The following ERC2 variants were observed in gnomAD, a reference collection of about 807,000 sequenced individuals.
ERC2 encodes the protein ERC protein 2.
Under a neutral mutation model 114.8 loss-of-function variants are expected in ERC2, and 42 were observed. That is an observed-to-expected ratio of 0.37 (90% CI 0.29 to 0.47). The LOEUF is 0.47. Ranked by LOEUF, ERC2 falls within the 20% of genes least tolerant of loss-of-function variation. ERC2 has a pLI of 0.99. For synonymous variants in ERC2, 454 were observed against 425.5 expected, an observed-to-expected ratio of 1.07 and a Z score of -0.82; for missense variants, 939 against 1,150.7, an observed-to-expected ratio of 0.82 and a Z score of 2.66.
chr3:55,961,617 T>C (rs1010427569), intron 12 of ERC2, among the ~76,000 whole-genome samples: 1 of 152,120 alleles, frequency 6.6e-6, no homozygotes, highest in Admixed American at 6.5e-5. Context: ...TGGTGACAAT[T>C]TAATTTAATT....
intron 2 of ERC2, among the ~76,000 whole-genome samples, chr3:56,311,090 T>C (rs1224587818): frequency 1.3e-5 from 2 of 151,482 alleles, no homozygotes; most frequent in Non-Finnish European, 2.9e-5. Context: ...CATTCACTCA[T>C]TGATTTAACC....
At chr3:56,312,000 G>C (rs1453711232) in intron 2 of ERC2, among the ~76,000 whole-genome samples, 1 of 152,138 alleles carries the variant, frequency 6.6e-6, no homozygotes, top group African/African-American at 2.4e-5. Context: ...AGAACTATTT[G>C]CATAGCATTT....
At chr3:55,526,524 C>T (rs945369421) in intron 17 of ERC2, among the ~76,000 whole-genome samples, 1 of 152,164 alleles carries the variant, frequency 6.6e-6, no homozygotes, top group Non-Finnish European at 1.5e-5. Flanking sequence ...CGCGTCGTGG[C>T]TCTCCCAAGG....
At chr3:56,290,377 C>G (rs896800293) in intron 3 of ERC2, among the ~76,000 whole-genome samples, 1 of 152,152 alleles carries the variant, frequency 6.6e-6, no homozygotes. Flanking sequence ...ATGTACTGAT[C>G]AGGTAAGAAA....
chr3:56,070,392 C>T (rs548069829), intron 7 of ERC2, among the ~76,000 whole-genome samples: 5 of 151,940 alleles, frequency 3.3e-5, no homozygotes, highest in South Asian at 4.2e-4. Flanking sequence ...GGGTAGCAGC[C>T]GTGGTCAGGG....
chr3:55,729,837 C>CAAAAAAAAAAAAA lies in ERC2; in HGVS notation c.2712+4921_2712+4933dup, dbSNP rs71096498. 9.9e-3 allele frequency among the ~76,000 whole-genome samples: 611 copies of CAAAAAAAAAAAAA among 61,616 alleles called. 188 individuals carry two copies. Among genetic ancestry groups the CAAAAAAAAAAAAA allele is most frequent in the Middle Eastern group, 0.034 (2 of 58 alleles). The allele number at this position is 61,616 out of a possible 152,430, so 40.4% of individuals were successfully genotyped here. ...AGGGTAATGCAGTGAGACTCTATCG[C>CAAAAAAAAAAAAA]AAAAAAAAAAAAAAAAAAAAAAAAA... On this transcript the variant is annotated intron_variant, in intron 15 of 17. Transcript: ENST00000288221.
intron 2 of ERC2, among the ~76,000 whole-genome samples, chr3:56,310,978 A>G (rs890378835): frequency 6.6e-6 from 1 of 152,026 alleles, no homozygotes; most frequent in Non-Finnish European, 1.5e-5. Context: ...GCTGTAGGAT[A>G]GTCCTGAGAA....
At chr3:56,317,120 G>A (rs2056901530) in intron 2 of ERC2, among the ~76,000 whole-genome samples, 1 of 152,208 alleles carries the variant, frequency 6.6e-6, no homozygotes, top group African/African-American at 2.4e-5. Flanking sequence ...AAGGATGGGA[G>A]CAAAAGGGAA....
At chr3:56,142,984 T>C (rs1054049021) in intron 5 of ERC2, among the ~76,000 whole-genome samples, 4 of 152,232 alleles carry the variant, frequency 2.6e-5, no homozygotes, top group African/African-American at 9.6e-5. Flanking sequence ...TTTCCGATCA[T>C]CTTGCACAGC....
At chr3:55,977,374 C>A (rs1328285478) in intron 12 of ERC2, among the ~76,000 whole-genome samples, 1 of 83,374 alleles carries the variant, frequency 1.2e-5, no homozygotes, top group African/African-American at 5.1e-5. Flanking sequence ...TGACAAATGT[C>A]AGATCAAAGA....
rs565601914 is a variant in ERC2 at position 56,116,216 on chromosome 3, A to C, written c.1473+23293T>G. 7.2e-5 allele frequency among the ~76,000 whole-genome samples: 11 copies of C among 152,324 alleles called. No individual in the cohort carries two copies. In the East Asian group the frequency reaches 2.1e-3, roughly 29 times the overall value. On this transcript the variant is annotated intron_variant, in intron 6 of 17. Coordinates refer to ENST00000288221, the MANE Select transcript of ERC2 (RefSeq NM_015576.3). Reference sequence around the variant, plus strand: ...TCTGAATAAAAAGAAAATCTTTTTTAAGACAATAAGAAATCCATATTTTAC... The same window carrying C: ...TCTGAATAAAAAGAAAATCTTTTTTCAGACAATAAGAAATCCATATTTTAC...
intron 3 of ERC2, among the ~76,000 whole-genome samples, chr3:56,251,530 TCAAGG>T (rs1286172278): frequency 6.6e-6 from 1 of 152,164 alleles, no homozygotes; most frequent in Non-Finnish European, 1.5e-5. Flanking sequence ...TAAATCTCAT[TCAAGG>T]CTGCCATCTA....
chr3:55,575,918 C>T (rs766304563), intron 17 of ERC2, among the ~76,000 whole-genome samples: 1 of 152,212 alleles, frequency 6.6e-6, no homozygotes, highest in Non-Finnish European at 1.5e-5. Context: ...TTCCTATCCC[C>T]ACTTACAAAG....
At chr3:56,304,745 T>C (rs1381186712) in intron 2 of ERC2, among the ~76,000 whole-genome samples, 3 of 152,040 alleles carry the variant, frequency 2.0e-5, no homozygotes, top group Admixed American at 6.6e-5. Context: ...GTTAACAGAG[T>C]AAAGATGAAA....
chr3:55,972,870 C>T (rs1178034168), intron 12 of ERC2, among the ~76,000 whole-genome samples: 1 of 152,098 alleles, frequency 6.6e-6, no homozygotes, highest in Non-Finnish European at 1.5e-5. Flanking sequence ...GCCATTTAGG[C>T]AATGGGAAAC....
intron 13 of ERC2, among the ~76,000 whole-genome samples, chr3:55,934,189 A>T (rs943675384): frequency 1.3e-4 from 20 of 152,224 alleles, no homozygotes; most frequent in African/African-American, 4.3e-4. Flanking sequence ...TGATGCTGGG[A>T]AAAAGTATAC....
At chr3:56,384,411 A>G (rs1321829744) in intron 2 of ERC2, among the ~76,000 whole-genome samples, 1 of 152,122 alleles carries the variant, frequency 6.6e-6, no homozygotes, top group Non-Finnish European at 1.5e-5. Flanking sequence ...ATAAAGTAGT[A>G]TCTTACTATG....
intron 6 of ERC2, among the ~76,000 whole-genome samples, chr3:56,096,570 A>T (rs933829924): frequency 2.0e-5 from 3 of 152,244 alleles, no homozygotes; most frequent in African/African-American, 7.2e-5. Flanking sequence ...TGACATATAT[A>T]GATAGATATT....
intron 2 of ERC2, among the ~76,000 whole-genome samples, chr3:56,428,032 A>G (rs1308781145): frequency 6.6e-6 from 1 of 152,168 alleles, no homozygotes; most frequent in Non-Finnish European, 1.5e-5. Flanking sequence ...TGAAGGATCC[A>G]TGGTTTCTTA....
Sources: allele counts gnomAD v4.1 joint callset (sites outside exome capture counted in the v4.1 genomes callset), GRCh38; gene constraint gnomAD v4.1.1; transcripts MANE v1.5; gene names NCBI Gene and HGNC (gene_info 2026-07-23, HGNC 2026-07-21).